Variants in DMGDH observed in about 807,000 individuals in gnomAD.
The protein encoded by DMGDH is dimethylglycine dehydrogenase.
In DMGDH, 76 loss-of-function variants were observed where a neutral mutation model predicts 95.2. The observed-to-expected ratio is 0.80, with a 90% CI of 0.66 to 0.97. The LOEUF (loss-of-function observed/expected upper bound fraction) is 0.97. DMGDH is among the 50% of genes least tolerant of loss of function. DMGDH has a pLI of 0.00. For synonymous variants in DMGDH, 345 were observed against 377.6 expected (o/e 0.91, Z 1.00); for missense variants, 987 against 1,055.0 (o/e 0.94, Z 0.89).
At chr5:79,064,331 A>C (rs1469214435) in intron 1 of DMGDH, among the ~76,000 whole-genome samples, 2 of 151,996 alleles carry the variant, frequency 1.3e-5, no homozygotes, top group African/African-American at 4.8e-5. Flanking sequence ...CAGACCTAGC[A>C]GACAGAGTGA....
At chr5:79,039,252 T>C (rs1190249410) in intron 7 of DMGDH, among the ~76,000 whole-genome samples, 3 of 152,148 alleles carry the variant, frequency 2.0e-5, no homozygotes, top group Non-Finnish European at 4.4e-5. Context: ...TAAAGATACA[T>C]GCACACGTAT....
At chr5:79,054,116 C>T (rs948880766) in intron 4 of DMGDH, 68 bp downstream of exon 4, 14 of 1,569,366 alleles carry the variant, frequency 8.9e-6, no homozygotes, top group African/African-American at 1.4e-5. Flanking sequence ...TTTTAGTTAA[C>T]TTCTTAATAA....
chr5:79,058,435 C>T (rs1755096519), intron 2 of DMGDH, among the ~76,000 whole-genome samples: 1 of 152,020 alleles, frequency 6.6e-6, no homozygotes, highest in African/African-American at 2.4e-5. Flanking sequence ...AATGAGAAGC[C>T]TGAAAGAAGG....
chr5:79,032,969 G>A, intron 8 of DMGDH, 129 bp from the exon 9 acceptor site: 3 of 1,154,444 alleles, frequency 2.6e-6, no homozygotes, highest in Non-Finnish European at 2.5e-6. Flanking sequence ...ACATATATAT[G>A]AATGATTCAT....
At chr5:79,067,201 T>G (rs1755405370) in intron 1 of DMGDH, among the ~76,000 whole-genome samples, 1 of 152,210 alleles carries the variant, frequency 6.6e-6, no homozygotes, top group Admixed American at 6.5e-5. Context: ...TATTTCCTGG[T>G]GCCACAACAT....
At chr5:79,035,952 A>G (rs1754336630) in intron 7 of DMGDH, among the ~76,000 whole-genome samples, 1 of 152,234 alleles carries the variant, frequency 6.6e-6, no homozygotes, top group African/African-American at 2.4e-5. Context: ...TCATCTTAGG[A>G]AAATAGAAAA....
intron 7 of DMGDH, among the ~76,000 whole-genome samples, chr5:79,040,526 A>G (rs1394335841): frequency 6.6e-6 from 1 of 152,254 alleles, no homozygotes; most frequent in Admixed American, 6.5e-5. Context: ...ACATAGGTTT[A>G]AATCTTCACG....
At chr5:79,003,803 C>T (rs1753496297) in intron 15 of DMGDH, among the ~76,000 whole-genome samples, 1 of 151,964 alleles carries the variant, frequency 6.6e-6, no homozygotes, top group African/African-American at 2.4e-5. Context: ...AAAAATTAGC[C>T]AAGCATGGTG....
At chr5:79,027,936 G>A (rs1754046796) in intron 12 of DMGDH, among the ~76,000 whole-genome samples, 1 of 151,324 alleles carries the variant, frequency 6.6e-6, no homozygotes, top group South Asian at 2.1e-4. Context: ...CGCCTCCCGA[G>A]TTCAAGCAAA....
Position 79,009,646 on chromosome 5 carries a change from G to C in DMGDH, c.2251-4239C>G, listed in dbSNP as rs560549264. Among the ~76,000 whole-genome samples the C allele has an allele frequency of 3.9e-5, 6 of 152,150 alleles. No individual in the cohort carries two copies. The South Asian group carries it at 1.2e-3, about 32-fold the overall frequency. On this transcript the variant is annotated intron_variant, in intron 14 of 15. Transcript: ENST00000255189. ...AAGTGCTGGGATTACAGGTTTACAG[G>C]TGTGAGCCACCGCACCCAGCTGGAA...
chr5:79,028,405 C>CT, intron 12 of DMGDH, 28 bp downstream of exon 12: 1 of 1,559,266 alleles, frequency 6.4e-7, no homozygotes, highest in Non-Finnish European at 8.8e-7. Context: ...ATTTCAGAGA[C>CT]TTAGTCCAGG....
chr5:79,042,334 A>C lies in DMGDH; in HGVS notation c.1142T>G (p.Met381Arg), dbSNP rs150449613. 1 of 1,614,222 alleles carries C rather than the reference A, an allele frequency of 6.2e-7. No homozygotes were observed. The highest frequency in any genetic ancestry group is 8.5e-7 in the Non-Finnish European group (1 of 1,180,028). ...TCTGACCCCCTGATGGGGCCCCACCATAGGCAGAATGTCAGGAGAATACGT... is the reference window on the plus strand; with the variant it reads ...TCTGACCCCCTGATGGGGCCCCACCCTAGGCAGAATGTCAGGAGAATACGT... The part of the protein sequence containing the change: ...PITYSPDILP[M>R]VGPHQGVRNY... Residue 381 changes from methionine (M) to arginine (R), a missense_variant, in exon 7 of 16, where the codon ATG becomes AGG. Met to Arg is a moderately conservative substitution (Grantham distance 91). Transcript: ENST00000255189.
At chr5:79,016,986 C>G (rs1753745495) in intron 14 of DMGDH, among the ~76,000 whole-genome samples, 1 of 151,994 alleles carries the variant, frequency 6.6e-6, no homozygotes, top group Non-Finnish European at 1.5e-5. Flanking sequence ...AATTGGTTAT[C>G]CAAGTACAAA....
At chr5:79,029,299 A>G (rs927977401) in intron 11 of DMGDH, among the ~76,000 whole-genome samples, 6 of 152,224 alleles carry the variant, frequency 3.9e-5, no homozygotes, top group African/African-American at 1.4e-4. Flanking sequence ...CTGTACAACT[A>G]AGATGAGAAT....
rs1252186367 is a variant in DMGDH at position 79,005,126 on chromosome 5, CT to C, written c.2385+146del. On this transcript the variant is annotated intron_variant, in intron 15 of 15. Transcript: ENST00000255189. ...TTCCTTTCAGTCAATTGCGTTCTGT[CT>C]TTTGAATGTCAGCTCAGAAATCAAA... 4.5e-6 allele frequency: 5 copies of C among 1,105,728 alleles called. No individual in the cohort carries two copies. In the African/African-American group the frequency reaches 7.7e-5, roughly 17 times the overall value. The allele number at this position is 1,105,728 out of a possible 1,614,324, so 68.5% of individuals were successfully genotyped here.
At chr5:79,059,790 T>C (rs1255997373) in intron 2 of DMGDH, among the ~76,000 whole-genome samples, 1 of 152,244 alleles carries the variant, frequency 6.6e-6, no homozygotes, top group Non-Finnish European at 1.5e-5. Flanking sequence ...CATCTATTTT[T>C]TTAAATATAT....
intron 14 of DMGDH, among the ~76,000 whole-genome samples, chr5:79,011,870 C>T (rs1753652980): frequency 6.6e-6 from 1 of 152,160 alleles, no homozygotes; most frequent in Admixed American, 6.5e-5. Context: ...ATCCAATCAC[C>T]TCTCATCAGG....
At chr5:78,999,865 C>CT (rs745981292) in intron 15 of DMGDH, among the ~76,000 whole-genome samples, 1,463 of 134,504 alleles carry the variant, frequency 0.011, 14 homozygotes, top group African/African-American at 0.026. Context: ...TTAATCATTG[C>CT]TTTTTTTTTT....
At position 79,044,315 on chromosome 5, in the gene DMGDH, C is replaced by G; in HGVS notation, c.983G>C (p.Gly328Ala). 1 of 1,614,208 alleles carries G rather than the reference C, an allele frequency of 6.2e-7. No individual in the cohort carries two copies. The highest frequency in any genetic ancestry group is 8.5e-7 in the Non-Finnish European group (1 of 1,180,018). ...TTTGCTGAACCCACCTGGAGGAACT[C>G]CATTGGTGACCCAGGAGTCCTGAAC... Reference protein sequence around the residue: ...MKVQDSWVTNGVPPGFGKELF... With the variant: ...MKVQDSWVTNAVPPGFGKELF... Residue 328 changes from glycine to alanine, a missense_variant, in exon 6 of 16, where the codon GGA becomes GCA. Coordinates refer to ENST00000255189, the MANE Select transcript of DMGDH (RefSeq NM_013391.3).
Sources: allele counts gnomAD v4.1 joint callset (sites outside exome capture counted in the v4.1 genomes callset), GRCh38; gene constraint gnomAD v4.1.1; transcripts MANE v1.5; gene names NCBI Gene and HGNC (gene_info 2026-07-23, HGNC 2026-07-21).